Variants in ARHGAP8 observed in about 807,000 individuals in gnomAD.
ARHGAP8 encodes rho GTPase-activating protein 8.
Under a neutral mutation model 46.1 loss-of-function variants are expected in ARHGAP8, and 62 were observed. The ratio of observed to expected loss-of-function variants is 1.34; its 90% CI spans 1.10 to 1.66. The LOEUF (loss-of-function observed/expected upper bound fraction) is 1.66. Among genes scored for constraint, ARHGAP8 ranks in the 40% most tolerant of loss-of-function variants. ARHGAP8 has a pLI of 0.00. For missense variants in ARHGAP8, 923 were observed against 568.4 expected, an observed-to-expected ratio of 1.62 and a Z score of -6.34; for synonymous variants, 375 against 243.1, an observed-to-expected ratio of 1.54 and a Z score of -5.05.
chr22:44,822,404 C>T lies in ARHGAP8; in HGVS notation c.420C>T (p.Asn140=), dbSNP rs370528341. The T allele has an allele frequency of 1.3e-6, 2 of 1,583,710 alleles. No individual in the cohort carries two copies. The highest frequency in any genetic ancestry group is 1.7e-6 in the Non-Finnish European group (2 of 1,170,340). Residue 140 remains asparagine (N), a synonymous_variant, in exon 6 of 12, where the codon AAC becomes AAT. Coordinates refer to ENST00000356099, the MANE Select transcript of ARHGAP8 (RefSeq NM_181335.3). ...HKFGKKVIYF[N]YLSELHEHLK... is the part of the protein sequence containing the mutation. ...TTGGGAAGAAAGTCATCTATTTCAA[C>T]TACCTGAGTGAGCTCCACGAACACC...
intron 5 of ARHGAP8, among the ~76,000 whole-genome samples, chr22:44,820,464 G>A (rs1324991947): frequency 1.3e-5 from 2 of 152,168 alleles, no homozygotes; most frequent in East Asian, 3.9e-4. Flanking sequence ...GTACTTCACA[G>A]CCCCGGGGAC....
intron 10 of ARHGAP8, among the ~76,000 whole-genome samples, chr22:44,857,250 A>G (rs2070252964): frequency 6.6e-6 from 1 of 151,978 alleles, no homozygotes. Context: ...TTGAGTAAGA[A>G]TTCTTTCTTT....
intron 5 of ARHGAP8, among the ~76,000 whole-genome samples, chr22:44,820,574 C>G (rs1930055416): frequency 6.6e-6 from 1 of 152,152 alleles, no homozygotes; most frequent in South Asian, 2.1e-4. Flanking sequence ...TCCCACCAGC[C>G]CCTTCCCTCC....
chr22:44,859,384 C>A (rs992833311), intron 10 of ARHGAP8, among the ~76,000 whole-genome samples: 2 of 152,128 alleles, frequency 1.3e-5, no homozygotes, highest in African/African-American at 2.4e-5. Context: ...CTGTTTTTGC[C>A]ACGTGATGCA....
intron 8 of ARHGAP8, 138 bp from the exon 9 acceptor site, chr22:44,847,835 G>A: frequency 1.7e-6 from 2 of 1,146,454 alleles, no homozygotes; most frequent in Non-Finnish European, 1.2e-6. Flanking sequence ...GGGGAATATG[G>A]AAAGGATTTG....
At chr22:44,790,466 A>T (rs1383675779) in intron 2 of ARHGAP8, among the ~76,000 whole-genome samples, 1 of 151,966 alleles carries the variant, frequency 6.6e-6, no homozygotes, top group African/African-American at 2.4e-5. Context: ...ACCTGAGGTC[A>T]GAAGTTCGAG....
chr22:44,811,461 G>A (rs1020359837), intron 4 of ARHGAP8, among the ~76,000 whole-genome samples: 1 of 152,212 alleles, frequency 6.6e-6, no homozygotes, highest in Non-Finnish European at 1.5e-5. Context: ...TTGGCCAGAG[G>A]GGACTAGGCA....
intron 7 of ARHGAP8, among the ~76,000 whole-genome samples, chr22:44,839,785 A>T (rs937375798): frequency 6.6e-6 from 1 of 152,126 alleles, no homozygotes; most frequent in African/African-American, 2.4e-5. Context: ...GTTACCTGTT[A>T]CCACTTCACA....
chr22:44,768,241 C>T (rs1245240520), intron 1 of ARHGAP8, among the ~76,000 whole-genome samples: 2 of 151,902 alleles, frequency 1.3e-5, no homozygotes, highest in South Asian at 2.1e-4. Context: ...GTGATCCACC[C>T]GCCTCAGCCT....
chr22:44,843,824 CAAAAA>C (rs56308320), intron 7 of ARHGAP8, among the ~76,000 whole-genome samples: 4,492 of 93,078 alleles, frequency 0.048, 98 homozygotes, highest in Middle Eastern at 0.099. Context: ...GACCTTGTCT[CAAAAA>C]AAAAAAAAAA....
intron 5 of ARHGAP8, among the ~76,000 whole-genome samples, chr22:44,821,921 GGT>G (rs911357101): frequency 7.4e-5 from 11 of 148,360 alleles, no homozygotes; most frequent in African/African-American, 2.7e-4. Context: ...CCTTAGAAGA[GGT>G]GGCCAAATGT....
rs776569919 is a variant in ARHGAP8, at chr22:44,862,562, G to A, written c.1269G>A (p.Pro423=). 36 of 1,596,332 alleles carry A rather than the reference G, an allele frequency of 2.3e-5. No individual in the cohort carries two copies. Among genetic ancestry groups the A allele is most frequent in the African/African-American group, 2.1e-4 (16 of 74,536 alleles). ...GCCTCACCAAGCCTACCCTACCTCC[G>A]AGTCCCCTGATGGCAGCCAGAAGAC... ...ATGLTKPTLP[P]SPLMAARRRL Residue 423 remains proline (P), a synonymous_variant, in exon 12 of 12, where the codon CCG becomes CCA. Transcript: ENST00000356099.
chr22:44,849,433 C>G, intron 10 of ARHGAP8: 1 of 266,956 alleles, frequency 3.7e-6, no homozygotes, highest in Non-Finnish European at 7.3e-6. Context: ...AGAAAGGGCT[C>G]TCGGCATTTC....
intron 1 of ARHGAP8, among the ~76,000 whole-genome samples, chr22:44,762,196 G>A (rs931572031): frequency 2.7e-4 from 41 of 152,312 alleles, no homozygotes; most frequent in Admixed American, 1.8e-3. Flanking sequence ...CCAGTGAGCC[G>A]GAAGGCTGAG....
intron 2 of ARHGAP8, among the ~76,000 whole-genome samples, chr22:44,792,311 C>T (rs1927753022): frequency 6.6e-6 from 1 of 152,006 alleles, no homozygotes; most frequent in Non-Finnish European, 1.5e-5. Flanking sequence ...CACCCGGCCT[C>T]CAGTTGCTTT....
At chr22:44,847,249 C>T (rs958434564) in intron 8 of ARHGAP8, among the ~76,000 whole-genome samples, 2 of 152,242 alleles carry the variant, frequency 1.3e-5, no homozygotes, top group African/African-American at 4.8e-5. Context: ...CTCTACCCCA[C>T]AGCTGCTTTC....
At chr22:44,797,286 C>T (rs1928161072) in intron 2 of ARHGAP8, among the ~76,000 whole-genome samples, 1 of 148,894 alleles carries the variant, frequency 6.7e-6, no homozygotes, top group Non-Finnish European at 1.5e-5. Flanking sequence ...GATTTGACTC[C>T]TTGTTTCTTC....
At chr22:44,800,145 C>T (rs1212845561) in intron 2 of ARHGAP8, among the ~76,000 whole-genome samples, 1 of 104,194 alleles carries the variant, frequency 9.6e-6, no homozygotes, top group African/African-American at 3.9e-5. Context: ...GCTCTGTTGT[C>T]CATGCTGGAG....
chr22:44,826,711 C>T (rs1930547720), intron 7 of ARHGAP8, among the ~76,000 whole-genome samples: 1 of 152,196 alleles, frequency 6.6e-6, no homozygotes, highest in African/African-American at 2.4e-5. Context: ...CAGGTGTGAG[C>T]CACTGCACCT....
Sources: gnomAD v4.1 joint callset for allele counts (sites outside exome capture counted in the v4.1 genomes callset) on GRCh38, gnomAD v4.1.1 for gene constraint, MANE v1.5 for transcripts, NCBI Gene and HGNC (gene_info 2026-07-23, HGNC 2026-07-21) for gene names.